ATRN: variants seen among roughly 807,000 people sequenced by gnomAD.
The protein encoded by ATRN is attractin, also known as attractin-2.
In ATRN, 54 loss-of-function variants were observed where a neutral mutation model predicts 178.7. The ratio of observed to expected loss-of-function variants is 0.30; its 90% confidence interval spans 0.24 to 0.38. The LOEUF (loss-of-function observed/expected upper bound fraction) is 0.38. Among genes scored for constraint, ATRN ranks in the 10% least tolerant of loss-of-function variants. ATRN has a pLI of 1.00. For missense variants in ATRN, 1,443 were observed against 1,815.1 expected (o/e 0.79, Z 3.73); for synonymous variants, 636 against 663.0 (o/e 0.96, Z 0.63).
chr20:3,490,260 C>T (rs772598590), intron 1 of ATRN: 117 of 1,403,224 alleles, frequency 8.3e-5, no homozygotes, highest in Non-Finnish European at 1.1e-4. Flanking sequence ...GAGGCCAACT[C>T]CTCCCAGGAG....
chr20:3,635,669 C>T (rs1260713212), intron 26 of ATRN, among the ~76,000 whole-genome samples: 1 of 152,098 alleles, frequency 6.6e-6, no homozygotes, highest in Non-Finnish European at 1.5e-5. Flanking sequence ...CACAAGCACT[C>T]AGCACTGTTG....
At chr20:3,561,951 G>A (rs367706151) in intron 8 of ATRN, among the ~76,000 whole-genome samples, 2 of 151,910 alleles carry the variant, frequency 1.3e-5, no homozygotes, top group South Asian at 4.2e-4. Flanking sequence ...GGCCAACATA[G>A]CAGGCCTCAA....
chr20:3,531,734 T>C (rs17781182), intron 1 of ATRN, among the ~76,000 whole-genome samples: 1 of 152,150 alleles, frequency 6.6e-6, no homozygotes, highest in Admixed American at 6.5e-5. Context: ...TAAGAATTCC[T>C]GGTAGGTGGT....
At position 3,584,103 on chromosome 20, in the gene ATRN, C is replaced by A. The variant is rs965014098; in HGVS notation, c.2950+20C>A. The A allele has an allele frequency of 6.2e-7, 1 of 1,610,892 alleles. No individual in the cohort carries two copies. On this transcript the variant is annotated intron_variant, in intron 17 of 28. Transcript: ENST00000262919. ...GCCCCCGTAAGTGAAAAAGGGAGCC[C>A]TAGGCACTTATGCATGCCCTCTGTA...
chr20:3,616,106 T>TTCGCTTTGGTTGTCTCTTGTCAGCTC, intron 24 of ATRN, among the ~76,000 whole-genome samples: 1 of 152,172 alleles, frequency 6.6e-6, no homozygotes. Flanking sequence ...CTTTTCAGCT[T>TTCGCTTTGGTTGTCTCTTGTCAGCTC]TCGCTTTGGT....
intron 24 of ATRN, among the ~76,000 whole-genome samples, chr20:3,611,789 A>G (rs549411582): frequency 6.6e-6 from 1 of 152,188 alleles, no homozygotes; most frequent in Non-Finnish European, 1.5e-5. Context: ...TGAAAGCACA[A>G]TGAGATAACA....
chr20:3,590,698 T>C (rs1450763956), intron 18 of ATRN, among the ~76,000 whole-genome samples: 1 of 152,236 alleles, frequency 6.6e-6, no homozygotes, highest in Non-Finnish European at 1.5e-5. Context: ...TTGTTTATAA[T>C]TGATGAAATA....
chr20:3,556,384 A>G (rs2085876696), intron 6 of ATRN, among the ~76,000 whole-genome samples: 1 of 152,164 alleles, frequency 6.6e-6, no homozygotes. Flanking sequence ...ACAAATTATT[A>G]TTTGGGAGGC....
intron 13 of ATRN, 107 bp downstream of exon 13, chr20:3,576,055 G>T: frequency 2.3e-6 from 3 of 1,285,868 alleles, no homozygotes; most frequent in Non-Finnish European, 3.1e-6. Context: ...TTTTCAAATG[G>T]GTTTCTATTT....
intron 25 of ATRN, among the ~76,000 whole-genome samples, chr20:3,630,849 T>A (rs1394202189): frequency 8.7e-5 from 13 of 149,144 alleles, no homozygotes; most frequent in Non-Finnish European, 1.9e-4. Context: ...ATAGAGTTAC[T>A]TTCATGGCAT....
intron 26 of ATRN, among the ~76,000 whole-genome samples, chr20:3,635,506 G>A (rs763503763): frequency 6.6e-6 from 1 of 151,864 alleles, no homozygotes; most frequent in Non-Finnish European, 1.5e-5. Flanking sequence ...TGGCATTGTT[G>A]GCATTGTTGC....
intron 15 of ATRN, among the ~76,000 whole-genome samples, chr20:3,581,305 A>G (rs2146257084): frequency 6.6e-6 from 1 of 152,314 alleles, no homozygotes; most frequent in Middle Eastern, 3.4e-3. Flanking sequence ...ATAACTACCA[A>G]AATTAGGAAT....
At chr20:3,482,951 A>C (rs1487400227) in intron 1 of ATRN, among the ~76,000 whole-genome samples, 1 of 152,168 alleles carries the variant, frequency 6.6e-6, no homozygotes, top group Non-Finnish European at 1.5e-5. Flanking sequence ...GGTTTTTCTG[A>C]ATTTTCTTCA....
chr20:3,486,782 A>G (rs1319992027), intron 1 of ATRN, among the ~76,000 whole-genome samples: 1 of 152,132 alleles, frequency 6.6e-6, no homozygotes, highest in Non-Finnish European at 1.5e-5. Context: ...ACGTAGTATT[A>G]CTATGATGTG....
chr20:3,553,161 A>G (rs1451791590), intron 6 of ATRN, among the ~76,000 whole-genome samples: 2 of 152,124 alleles, frequency 1.3e-5, no homozygotes, highest in African/African-American at 4.8e-5. Context: ...TGCTGCCACC[A>G]TGAGAAGAGA....
intron 24 of ATRN, among the ~76,000 whole-genome samples, chr20:3,617,440 C>CTGA (rs2086859349): frequency 6.6e-6 from 1 of 152,126 alleles, no homozygotes; most frequent in Middle Eastern, 3.2e-3. Context: ...TGGCCTTGAG[C>CTGA]TGATAATTTA....
rs758483883 is a variant in ATRN, at chr20:3,584,817, C to T, written c.3121C>T (p.Leu1041=). 14 of 1,614,082 alleles carry T rather than the reference C, an allele frequency of 8.7e-6. No individual in the cohort carries two copies. The highest frequency in any genetic ancestry group is 1.2e-5 in the Non-Finnish European group (14 of 1,180,036). Residue 1041 remains leucine (L), a synonymous_variant, in exon 18 of 29, where the codon CTG becomes TTG. Transcript: ENST00000262919. The stretch of plus-strand genomic sequence containing the variant: ...TACAGGAAATTTCTATCCACAGCCC[C>T]TGCTCAATTCCAGCATGTGTCTAGA... ...APTGNFYPQP[L]LNSSMCLEDS...
chr20:3,490,088 C>T, intron 1 of ATRN: 2 of 1,348,934 alleles, frequency 1.5e-6, no homozygotes, highest in Non-Finnish European at 2.1e-6. Context: ...CAATGTCTCG[C>T]TTGGTGCCCT....
intron 1 of ATRN, among the ~76,000 whole-genome samples, chr20:3,482,441 A>G (rs535452232): frequency 4.6e-5 from 7 of 152,294 alleles, no homozygotes; most frequent in African/African-American, 1.7e-4. Context: ...TTGATTCTGA[A>G]TGATAAAATG....
Sources: allele counts gnomAD v4.1 joint callset (sites outside exome capture counted in the v4.1 genomes callset), GRCh38; gene constraint gnomAD v4.1.1; transcripts MANE v1.5; gene names NCBI Gene and HGNC (gene_info 2026-07-23, HGNC 2026-07-21).